The following ARHGAP15 variants were observed in gnomAD, a reference collection of about 807,000 sequenced individuals.
The protein encoded by ARHGAP15 is Rho GTPase activating protein 15, also known as rho GTPase-activating protein 15.
ARHGAP15 carries 51 observed loss-of-function variants against 63.7 expected under a neutral mutation model. The ratio of observed to expected loss-of-function variants is 0.80; its 90% CI spans 0.64 to 1.01. The LOEUF is 1.01. Among genes scored for constraint, ARHGAP15 ranks in the 50% least tolerant of loss-of-function variants. ARHGAP15 has a pLI of 0.00. For synonymous variants in ARHGAP15, 191 were observed against 193.8 expected (o/e 0.99, Z 0.12); for missense variants, 560 against 564.6 (o/e 0.99, Z 0.08).
chr2:143,414,923 T>C (rs752980122), intron 6 of ARHGAP15, among the ~76,000 whole-genome samples: 8 of 152,280 alleles, frequency 5.3e-5, no homozygotes, highest in African/African-American at 1.9e-4. Context: ...AGCAAGACTC[T>C]GTCTCAAGAA....
chr2:143,310,539 A>C (rs1004035620), intron 6 of ARHGAP15, among the ~76,000 whole-genome samples: 1 of 151,892 alleles, frequency 6.6e-6, no homozygotes, highest in African/African-American at 2.4e-5. Context: ...ATCTATCCAA[A>C]TTTTATAAAA....
intron 12 of ARHGAP15, among the ~76,000 whole-genome samples, chr2:143,632,348 T>G (rs1216571343): frequency 1.3e-5 from 2 of 152,046 alleles, no homozygotes; most frequent in Non-Finnish European, 1.5e-5. Context: ...ATTGTGTTCA[T>G]ATATATATAC....
intron 6 of ARHGAP15, among the ~76,000 whole-genome samples, chr2:143,315,587 T>C (rs939256723): frequency 6.6e-6 from 1 of 152,128 alleles, no homozygotes. Flanking sequence ...CTGTGCAGGA[T>C]GGGAGAAAAT....
chr2:143,759,987 T>G (rs1686706182), intron 13 of ARHGAP15, among the ~76,000 whole-genome samples: 1 of 152,158 alleles, frequency 6.6e-6, no homozygotes, highest in Non-Finnish European at 1.5e-5. Context: ...TTGAAGTACT[T>G]CAGGGCCTGA....
chr2:143,395,779 A>G (rs1024032335), intron 6 of ARHGAP15, among the ~76,000 whole-genome samples: 2 of 152,100 alleles, frequency 1.3e-5, no homozygotes, highest in African/African-American at 4.8e-5. Flanking sequence ...GAAAAAGAGA[A>G]TGAGAAAGAC....
At chr2:143,473,565 C>T (rs1012514760) in intron 8 of ARHGAP15, among the ~76,000 whole-genome samples, 3 of 152,242 alleles carry the variant, frequency 2.0e-5, no homozygotes, top group South Asian at 2.1e-4. Flanking sequence ...CATGTCTTAC[C>T]GTGTCTTTCT....
intron 11 of ARHGAP15, among the ~76,000 whole-genome samples, chr2:143,611,189 A>G (rs1248797188): frequency 1.3e-5 from 2 of 152,126 alleles, no homozygotes; most frequent in African/African-American, 2.4e-5. Flanking sequence ...TTTTAATGTA[A>G]TGGTTTGAAG....
chr2:143,626,781 TG>T, intron 12 of ARHGAP15, among the ~76,000 whole-genome samples: 1 of 152,302 alleles, frequency 6.6e-6, no homozygotes, highest in Non-Finnish European at 1.5e-5. Context: ...ACAATCCTCT[TG>T]TAAGACAGAA....
chr2:143,738,894 G>C (rs547671305), intron 13 of ARHGAP15, among the ~76,000 whole-genome samples: 32 of 152,264 alleles, frequency 2.1e-4, no homozygotes, highest in African/African-American at 6.5e-4. Flanking sequence ...GATTCAAACA[G>C]CCGTAACGAA....
intron 2 of ARHGAP15, among the ~76,000 whole-genome samples, chr2:143,178,259 T>C (rs1472162372): frequency 1.3e-5 from 2 of 152,222 alleles, no homozygotes; most frequent in Non-Finnish European, 2.9e-5. Flanking sequence ...AGACTATATA[T>C]TATTTTCAGA....
intron 6 of ARHGAP15, among the ~76,000 whole-genome samples, chr2:143,376,799 C>A (rs1209091555): frequency 1.3e-5 from 2 of 151,892 alleles, no homozygotes; most frequent in African/African-American, 4.8e-5. Flanking sequence ...AAACATAAAC[C>A]TGGTCTCAGC....
intron 13 of ARHGAP15, among the ~76,000 whole-genome samples, chr2:143,749,543 A>G (rs1344356661): frequency 6.6e-6 from 1 of 152,182 alleles, no homozygotes; most frequent in Non-Finnish European, 1.5e-5. Flanking sequence ...ACTTGCGTAC[A>G]TTATTTCAGC....
chr2:143,328,177 C>T (rs1184166613), intron 6 of ARHGAP15, among the ~76,000 whole-genome samples: 2 of 152,160 alleles, frequency 1.3e-5, no homozygotes, highest in Non-Finnish European at 2.9e-5. Context: ...TTGTGGAAGA[C>T]AGTGTGAAGA....
intron 13 of ARHGAP15, among the ~76,000 whole-genome samples, chr2:143,718,699 C>T (rs1463648152): frequency 6.6e-6 from 1 of 152,190 alleles, no homozygotes; most frequent in African/African-American, 2.4e-5. Context: ...TCATCATCCT[C>T]TGCAGATTCT....
At chr2:143,311,465 A>G (rs867234192) in intron 6 of ARHGAP15, among the ~76,000 whole-genome samples, 14 of 152,136 alleles carry the variant, frequency 9.2e-5, no homozygotes, top group African/African-American at 3.4e-4. Flanking sequence ...ACATAAAACT[A>G]GAGAGGAAAG....
intron 13 of ARHGAP15, among the ~76,000 whole-genome samples, chr2:143,735,504 A>G (rs1422266636): frequency 6.6e-6 from 1 of 152,232 alleles, no homozygotes; most frequent in East Asian, 1.9e-4. Flanking sequence ...GTATCAGCTT[A>G]GCGTACTCAG....
At chr2:143,152,131 G>A (rs1293908413) in intron 1 of ARHGAP15, among the ~76,000 whole-genome samples, 1 of 151,932 alleles carries the variant, frequency 6.6e-6, no homozygotes, top group Admixed American at 6.6e-5. Flanking sequence ...GAAGGGATGG[G>A]ACTCTCAGTC....
At chr2:143,489,005 G>C (rs1055181170) in intron 9 of ARHGAP15, among the ~76,000 whole-genome samples, 3 of 152,178 alleles carry the variant, frequency 2.0e-5, no homozygotes, top group African/African-American at 7.2e-5. Context: ...TTCTGCCTTA[G>C]AATTCATCCT....
Position 143,216,394 on chromosome 2 carries a change from A to G in ARHGAP15, c.245A>G (p.Lys82Arg), listed in dbSNP as rs755357350. Residue 82 changes from lysine (K) to arginine (R), a missense_variant, in exon 4 of 14, where the codon AAA becomes AGA. Lys to Arg is a conservative substitution (Grantham distance 26, BLOSUM62 2). Coordinates refer to ENST00000295095, the MANE Select transcript of ARHGAP15 (RefSeq NM_018460.4). ...GCATTCTTCTTGCAGATGGTTGAAA[A>G]AGAAGGTTATCTGCAAAAAGCTAAA... ...IPPLEQLMVE[K>R]EGYLQKAKIA... 2 of 1,610,982 alleles carry G rather than the reference A, an allele frequency of 1.2e-6. No individual in the cohort carries two copies. Among genetic ancestry groups the G allele is most frequent in the South Asian group, 1.1e-5 (1 of 90,548 alleles).
Sources: allele counts gnomAD v4.1 joint callset (sites outside exome capture counted in the v4.1 genomes callset), GRCh38; gene constraint gnomAD v4.1.1; transcripts MANE v1.5; gene names NCBI Gene and HGNC (gene_info 2026-07-23, HGNC 2026-07-21).